Variants in ABTB3 observed in about 807,000 individuals in gnomAD.
ABTB3 encodes the protein ankyrin repeat- and BTB/POZ domain-containing protein 3.
chr12:107,623,269 C>A, the ABTB3 span, among the ~76,000 whole-genome samples: 3 of 151,464 alleles, frequency 2.0e-5, no homozygotes, highest in Non-Finnish European at 4.4e-5. Flanking sequence ...CCGTGTTGGC[C>A]AGGATGGCCT....
the ABTB3 span, among the ~76,000 whole-genome samples, chr12:107,647,159 GTC>G: frequency 6.6e-6 from 1 of 152,020 alleles, no homozygotes; most frequent in Admixed American, 6.5e-5. Flanking sequence ...GCGAAATCCC[GTC>G]TCTACAAAAA....
the ABTB3 span, chr12:107,318,511 C>T: frequency 6.3e-6 from 1 of 157,592 alleles, no homozygotes; most frequent in Non-Finnish European, 1.4e-5. Flanking sequence ...GAGCCGGGAG[C>T]CGGGAGCCAG....
the ABTB3 span, among the ~76,000 whole-genome samples, chr12:107,612,218 G>A: frequency 6.6e-6 from 1 of 152,196 alleles, no homozygotes; most frequent in Admixed American, 6.5e-5. Flanking sequence ...AGAGTCATTG[G>A]TGCATCTGGT....
chr12:107,446,360 C>T, the ABTB3 span, among the ~76,000 whole-genome samples: 1 of 152,038 alleles, frequency 6.6e-6, no homozygotes, highest in Non-Finnish European at 1.5e-5. Context: ...TTTGTGGTGG[C>T]TTGTTGAAGG....
the ABTB3 span, among the ~76,000 whole-genome samples, chr12:107,470,367 A>G: frequency 4.6e-5 from 7 of 152,046 alleles, no homozygotes; most frequent in Admixed American, 2.6e-4. Flanking sequence ...CAAGGTGCTT[A>G]TGGTAGGGGC....
At chr12:107,403,132 G>C in the ABTB3 span, among the ~76,000 whole-genome samples, 1 of 152,136 alleles carries the variant, frequency 6.6e-6, no homozygotes, top group Non-Finnish European at 1.5e-5. Context: ...AATATCCCAG[G>C]CATGGTCTAG....
the ABTB3 span, chr12:107,320,733 G>C: frequency 2.2e-6 from 1 of 454,672 alleles, no homozygotes; most frequent in Non-Finnish European, 4.4e-6. Context: ...TGGGGGCTGC[G>C]GGATGGACAA....
chr12:107,568,800 C>T, the ABTB3 span, among the ~76,000 whole-genome samples: 2 of 151,748 alleles, frequency 1.3e-5, no homozygotes, highest in Non-Finnish European at 2.9e-5. Context: ...TCTGCAGTCT[C>T]CTAACGCCAC....
chr12:107,617,305 T>C, the ABTB3 span: 1 of 1,614,030 alleles, frequency 6.2e-7, no homozygotes, highest in Admixed American at 1.7e-5. Context: ...TTGCAGGAAA[T>C]TTTGAGCTGG....
chr12:107,520,422 C>A, the ABTB3 span: 3 of 1,567,974 alleles, frequency 1.9e-6, no homozygotes, highest in Non-Finnish European at 2.6e-6. Flanking sequence ...TTGCACCCTT[C>A]CCTCGGTTAA....
the ABTB3 span, among the ~76,000 whole-genome samples, chr12:107,562,094 G>C: frequency 3.9e-5 from 6 of 152,118 alleles, no homozygotes; most frequent in Non-Finnish European, 5.9e-5. Flanking sequence ...AGTATCACCA[G>C]GTATAGAACC....
the ABTB3 span, among the ~76,000 whole-genome samples, chr12:107,368,528 C>T: frequency 1.3e-4 from 19 of 151,360 alleles, no homozygotes; most frequent in African/African-American, 1.9e-4. Context: ...TCCCCAGTAC[C>T]GTGAACAATA....
chr12:107,472,808 G>C, the ABTB3 span, among the ~76,000 whole-genome samples: 10 of 152,182 alleles, frequency 6.6e-5, no homozygotes, highest in Non-Finnish European at 1.3e-4. Context: ...AAGACATAAT[G>C]ACAGATTTAA....
At chr12:107,447,458 C>T in the ABTB3 span, among the ~76,000 whole-genome samples, 1 of 152,098 alleles carries the variant, frequency 6.6e-6, no homozygotes, top group Non-Finnish European at 1.5e-5. Context: ...CTTTTTAAAC[C>T]TCCTGTCCCC....
chr12:107,492,904 T>C, the ABTB3 span, among the ~76,000 whole-genome samples: 1 of 152,016 alleles, frequency 6.6e-6, no homozygotes, highest in Non-Finnish European at 1.5e-5. Context: ...CAGCTTCTGG[T>C]GCTGGGTGAG....
the ABTB3 span, among the ~76,000 whole-genome samples, chr12:107,362,716 C>T: frequency 5.9e-5 from 9 of 151,938 alleles, no homozygotes; most frequent in East Asian, 1.9e-4. Flanking sequence ...TTGCTTGAGC[C>T]GAGGAGCTTG....
chr12:107,610,276 T>C, the ABTB3 span: 1 of 1,614,184 alleles, frequency 6.2e-7, no homozygotes, highest in South Asian at 1.1e-5. Flanking sequence ...TTCCGGATGC[T>C]GAACTGTGGA....
chr12:107,624,212 T>C, the ABTB3 span, among the ~76,000 whole-genome samples: 1 of 151,416 alleles, frequency 6.6e-6, no homozygotes, highest in Non-Finnish European at 1.5e-5. Context: ...TTTTTTTAAG[T>C]TTTCAAGTTT....
the ABTB3 span, among the ~76,000 whole-genome samples, chr12:107,529,128 A>T: frequency 6.8e-6 from 1 of 147,542 alleles, no homozygotes; most frequent in Non-Finnish European, 1.5e-5. Flanking sequence ...TATGATGGAG[A>T]TGATGGTGAT....
Sources: gnomAD v4.1 joint callset for allele counts (sites outside exome capture counted in the v4.1 genomes callset) on GRCh38, gnomAD v4.1.1 for gene constraint, MANE v1.5 for transcripts, NCBI Gene and HGNC (gene_info 2026-07-23, HGNC 2026-07-21) for gene names.